TAF12: variants seen among roughly 807,000 people sequenced by gnomAD.
TAF12 encodes TATA-box binding protein associated factor 12.
Under a neutral mutation model 20.8 loss-of-function variants are expected in TAF12, and 3 were observed. The ratio of observed to expected loss-of-function variants is 0.14; its 90% CI spans 0.07 to 0.37. The LOEUF (loss-of-function observed/expected upper bound fraction) is 0.37, where lower values mean the gene tolerates loss of function less well. TAF12 is among the 10% of genes least tolerant of loss of function. TAF12 has a pLI of 1.00. For missense variants in TAF12, 131 were observed against 197.9 expected, an observed-to-expected ratio of 0.66 and a Z score of 2.03; for synonymous variants, 69 against 70.2, an observed-to-expected ratio of 0.98 and a Z score of 0.09.
At chr1:28,632,625 C>A (rs544473573) in intron 1 of TAF12, among the ~76,000 whole-genome samples, 12 of 151,906 alleles carry the variant, frequency 7.9e-5, no homozygotes, top group Non-Finnish European at 1.6e-4. Context: ...TGTATAATTC[C>A]ATTTATAGGC....
chr1:28,603,348 G>C lies in TAF12; in HGVS notation c.*191C>G, dbSNP rs968960232. The C allele has an allele frequency of 5.3e-6, 3 of 566,962 alleles. No individual in the cohort carries two copies. Among genetic ancestry groups the C allele is most frequent in the Non-Finnish European group, 9.3e-6 (3 of 322,154 alleles). The allele number at this position is 566,962 out of a possible 1,614,324, so 35.1% of individuals were successfully genotyped here. ...TTTGAGATGGCAGGGAAAAGGGACC[G>C]GAAGTTGGGGTAGGAGGCTTTATTC... On this transcript the variant is annotated 3_prime_UTR_variant, in exon 6 of 6. Transcript: ENST00000373824.
chr1:28,628,351 C>G (rs537276802), intron 1 of TAF12, among the ~76,000 whole-genome samples: 1 of 146,684 alleles, frequency 6.8e-6, no homozygotes, highest in Admixed American at 7.1e-5. Flanking sequence ...GGTGACAGAG[C>G]AAGACTCTGT....
chr1:28,644,155 G>C (rs188118982), upstream of TAF12, among the ~76,000 whole-genome samples: 3 of 152,170 alleles, frequency 2.0e-5, no homozygotes, highest in Non-Finnish European at 4.4e-5. Context: ...CAGTAAGATG[G>C]AGAAGAACCC....
chr1:28,617,174 T>C (rs1193571671), intron 3 of TAF12, among the ~76,000 whole-genome samples: 1 of 152,270 alleles, frequency 6.6e-6, no homozygotes, highest in East Asian at 1.9e-4. Context: ...TTTTTAAGTA[T>C]ATTACTTAGA....
chr1:28,634,974 C>T (rs563427619), intron 1 of TAF12, among the ~76,000 whole-genome samples: 4 of 151,346 alleles, frequency 2.6e-5, no homozygotes, highest in Admixed American at 2.0e-4. Flanking sequence ...TGCCTGTAAT[C>T]CCAGCACTTT....
At position 28,626,841 on chromosome 1, in the gene TAF12, C is replaced by T. The variant is rs545269081; in HGVS notation, c.-84-4676G>A. 2.6e-5 allele frequency among the ~76,000 whole-genome samples: 4 copies of T among 151,456 alleles called. 1 individual carries two copies. In the Middle Eastern group the frequency reaches 0.01, roughly 389 times the overall value. On this transcript the variant is annotated intron_variant, in intron 1 of 5. Coordinates refer to ENST00000373824, the MANE Select transcript of TAF12 (RefSeq NM_005644.4). ...AGGAGAATCACTTGAACCTGGGAGGCGGAGGTTGCAGTGAGCCAAGATCGC... is the reference window on the plus strand; with the variant it reads ...AGGAGAATCACTTGAACCTGGGAGGTGGAGGTTGCAGTGAGCCAAGATCGC...
intron 1 of TAF12, among the ~76,000 whole-genome samples, chr1:28,640,083 C>A (rs1298229233): frequency 3.9e-5 from 6 of 151,992 alleles, no homozygotes; most frequent in Non-Finnish European, 7.4e-5. Context: ...TCTCAGGTGA[C>A]CCGCCCGCCT....
chr1:28,613,418 G>A, intron 3 of TAF12, 57 bp from the exon 4 acceptor site: 6 of 1,442,090 alleles, frequency 4.2e-6, no homozygotes, highest in Non-Finnish European at 5.7e-6. Context: ...GGCTCCTGTT[G>A]CTGGGACAAC....
At chr1:28,639,859 T>C (rs1292124097) in intron 1 of TAF12, among the ~76,000 whole-genome samples, 1 of 151,994 alleles carries the variant, frequency 6.6e-6, no homozygotes, top group Admixed American at 6.6e-5. Context: ...TTTTTTTTTT[T>C]CAGACAGAGT....
At chr1:28,619,714 G>A (rs1404783434) in intron 2 of TAF12, among the ~76,000 whole-genome samples, 1 of 149,456 alleles carries the variant, frequency 6.7e-6, no homozygotes, top group African/African-American at 2.5e-5. Flanking sequence ...ACTTTGGGAG[G>A]CTGAGGCGGG....
intron 1 of TAF12, among the ~76,000 whole-genome samples, chr1:28,629,631 A>G (rs1437260577): frequency 1.3e-5 from 2 of 151,912 alleles, no homozygotes. Flanking sequence ...CCACTGCAAC[A>G]GGCCTTGGGT....
At chr1:28,642,645 C>A (rs898510407) in intron 1 of TAF12, 37 of 985,458 alleles carry the variant, frequency 3.8e-5, no homozygotes, top group Non-Finnish European at 4.1e-5. Flanking sequence ...CCTCACCGCT[C>A]CACTTTTACC....
At chr1:28,607,441 T>C (rs1666703753) in intron 4 of TAF12, among the ~76,000 whole-genome samples, 1 of 152,022 alleles carries the variant, frequency 6.6e-6, no homozygotes, top group African/African-American at 2.4e-5. Flanking sequence ...GAGGCCAAAG[T>C]GGGCGGATCA....
At chr1:28,624,194 T>C (rs372069278) in intron 1 of TAF12, among the ~76,000 whole-genome samples, 1 of 152,288 alleles carries the variant, frequency 6.6e-6, no homozygotes. Context: ...ATCTCTTTCA[T>C]AAGCAACTTT....
chr1:28,638,337 G>A (rs947189658), intron 1 of TAF12, among the ~76,000 whole-genome samples: 1 of 151,532 alleles, frequency 6.6e-6, no homozygotes, highest in African/African-American at 2.4e-5. Flanking sequence ...TTACAGGCAT[G>A]CATCACCACG....
At chr1:28,617,115 C>T (rs370066457) in intron 3 of TAF12, among the ~76,000 whole-genome samples, 1 of 150,728 alleles carries the variant, frequency 6.6e-6, no homozygotes, top group Non-Finnish European at 1.5e-5. Context: ...AGCGAAACTC[C>T]GTCTCAAAAA....
At chr1:28,625,906 C>T in intron 1 of TAF12, among the ~76,000 whole-genome samples, 1 of 151,618 alleles carries the variant, frequency 6.6e-6, no homozygotes, top group East Asian at 2.0e-4. Flanking sequence ...TCTCTAACTC[C>T]TGGCCTCAAG....
chr1:28,626,882 G>C (rs1048502852), intron 1 of TAF12, among the ~76,000 whole-genome samples: 1 of 151,946 alleles, frequency 6.6e-6, no homozygotes, highest in Non-Finnish European at 1.5e-5. Flanking sequence ...TGCAACTCTA[G>C]CTTGGGCGAC....
intron 4 of TAF12, among the ~76,000 whole-genome samples, chr1:28,611,357 C>T (rs547596844): frequency 2.6e-4 from 40 of 152,074 alleles, no homozygotes; most frequent in African/African-American, 8.7e-4. Context: ...TGAAGCCTTC[C>T]GTTATGGGTT....
Sources: allele counts gnomAD v4.1 joint callset (sites outside exome capture counted in the v4.1 genomes callset), GRCh38; gene constraint gnomAD v4.1.1; transcripts MANE v1.5; gene names NCBI Gene and HGNC (gene_info 2026-07-23, HGNC 2026-07-21).